JARID2: variants seen among roughly 807,000 people sequenced by gnomAD.
JARID2 encodes the protein protein Jumonji.
JARID2 carries 21 observed loss-of-function variants against 125.6 expected under a neutral mutation model. That is an observed-to-expected ratio of 0.17 (90% confidence interval 0.12 to 0.24). The LOEUF (loss-of-function observed/expected upper bound fraction) is 0.24. Among genes scored for constraint, JARID2 ranks in the 10% least tolerant of loss-of-function variants. The pLI is 1.00. For synonymous variants in JARID2, 736 were observed against 661.6 expected (o/e 1.11, Z -1.73); for missense variants, 1,303 against 1,639.6 (o/e 0.79, Z 3.55).
rs1369179322 is a variant in JARID2, at chr6:15,496,922, A to G, written c.1697A>G (p.Glu566Gly). ...EIPVLRPSAK[E>G]FHDPLIYIES... ...CCCGTCCTCAGGCCCTCCGCCAAGG[A>G]GTTCCACGATCCGCTCATCTACATC... The change falls in exon 7 of 18, where the codon GAG becomes GGG. Residue 566 changes from glutamate to glycine, a missense_variant. Glu to Gly is a moderately conservative substitution (Grantham distance 98). Transcript: ENST00000341776. The G allele has an allele frequency of 3.1e-6, 5 of 1,602,958 alleles. No homozygotes were observed. The highest frequency in any genetic ancestry group is 4.3e-6 in the Non-Finnish European group (5 of 1,172,188).
intron 1 of JARID2, among the ~76,000 whole-genome samples, chr6:15,260,751 C>T (rs753949555): frequency 8.5e-5 from 13 of 152,172 alleles, no homozygotes; most frequent in Non-Finnish European, 1.3e-4. Flanking sequence ...TCTTTTGGCC[C>T]TGGTAAGCTG....
chr6:15,431,563 C>A (rs574596348), intron 3 of JARID2, among the ~76,000 whole-genome samples: 1 of 152,314 alleles, frequency 6.6e-6, no homozygotes, highest in East Asian at 1.9e-4. Flanking sequence ...TAAACAAGCT[C>A]TTTACATATT....
At chr6:15,474,015 C>T (rs966974103) in intron 5 of JARID2, among the ~76,000 whole-genome samples, 1 of 152,222 alleles carries the variant, frequency 6.6e-6, no homozygotes, top group Non-Finnish European at 1.5e-5. Context: ...ACACTGAGCT[C>T]TCAGTAGCTG....
intron 2 of JARID2, among the ~76,000 whole-genome samples, chr6:15,379,415 A>C (rs1448552404): frequency 2.6e-5 from 4 of 152,300 alleles, no homozygotes; most frequent in African/African-American, 9.6e-5. Context: ...GACCTTGGCC[A>C]CTCTTTGAGG....
chr6:15,489,413 A>G (rs1238641378), intron 6 of JARID2, among the ~76,000 whole-genome samples: 2 of 152,204 alleles, frequency 1.3e-5, no homozygotes, highest in South Asian at 2.1e-4. Context: ...GTTCTCATGC[A>G]CGGACAGACA....
chr6:15,515,249 T>C (rs1019599705), intron 16 of JARID2, among the ~76,000 whole-genome samples: 14 of 151,942 alleles, frequency 9.2e-5, no homozygotes, highest in African/African-American at 3.1e-4. Flanking sequence ...CTGTTACCCA[T>C]AGGCTGCCTA....
chr6:15,395,255 C>T (rs535636272), intron 2 of JARID2, among the ~76,000 whole-genome samples: 5 of 152,056 alleles, frequency 3.3e-5, no homozygotes, highest in Non-Finnish European at 7.4e-5. Flanking sequence ...TGATTACTCA[C>T]TCTTCAGTTT....
chr6:15,314,058 A>G (rs1026756951), intron 1 of JARID2, among the ~76,000 whole-genome samples: 2 of 152,112 alleles, frequency 1.3e-5, no homozygotes, highest in African/African-American at 4.8e-5. Context: ...AGTCCTTCCA[A>G]TTCTGGGTAG....
chr6:15,294,921 A>G (rs1561776273), intron 1 of JARID2, among the ~76,000 whole-genome samples: 1 of 152,124 alleles, frequency 6.6e-6, no homozygotes, highest in South Asian at 2.1e-4. Flanking sequence ...AAGAGAGTGT[A>G]ATGAATTGAG....
intron 9 of JARID2, chr6:15,505,070 T>C (rs572932801): frequency 6.2e-6 from 1 of 160,824 alleles, no homozygotes; most frequent in South Asian, 1.8e-4. Flanking sequence ...GGAAAGACAG[T>C]GAGCACTTCT....
At chr6:15,357,066 C>A (rs1763627029) in intron 1 of JARID2, among the ~76,000 whole-genome samples, 1 of 152,154 alleles carries the variant, frequency 6.6e-6, no homozygotes, top group African/African-American at 2.4e-5. Flanking sequence ...AGTTACTTGG[C>A]TATGTGTTCT....
At chr6:15,462,156 T>C (rs1768483546) in intron 4 of JARID2, among the ~76,000 whole-genome samples, 1 of 151,596 alleles carries the variant, frequency 6.6e-6, no homozygotes, top group South Asian at 2.1e-4. Context: ...AGATAAATTA[T>C]TTAAGACATG....
chr6:15,498,891 GTCC>G (rs1770593194), intron 7 of JARID2, among the ~76,000 whole-genome samples: 1 of 152,330 alleles, frequency 6.6e-6, no homozygotes, highest in Non-Finnish European at 1.5e-5. Context: ...ACCGCACCAA[GTCC>G]TCCTGCCTTT....
intron 1 of JARID2, among the ~76,000 whole-genome samples, chr6:15,296,480 T>A (rs1335829498): frequency 6.6e-6 from 1 of 152,194 alleles, no homozygotes; most frequent in African/African-American, 2.4e-5. Context: ...ACAAAGATTT[T>A]CCCAAATGTT....
intron 3 of JARID2, among the ~76,000 whole-genome samples, chr6:15,421,601 G>A (rs1384005984): frequency 2.6e-5 from 4 of 152,102 alleles, no homozygotes. Context: ...ACTGACCTTA[G>A]CCTAGATAAT....
intron 1 of JARID2, among the ~76,000 whole-genome samples, chr6:15,327,429 C>T (rs1318413943): frequency 6.6e-6 from 1 of 152,108 alleles, no homozygotes; most frequent in Non-Finnish European, 1.5e-5. Flanking sequence ...ATTCAGCATA[C>T]TTGGTGAGGC....
At chr6:15,507,113 C>G in intron 9 of JARID2, 23 bp from the exon 10 acceptor site, 1 of 1,497,220 alleles carries the variant, frequency 6.7e-7, no homozygotes, top group Non-Finnish European at 9.3e-7. Flanking sequence ...GGGTGCTGAC[C>G]AGCCCTTTCC....
chr6:15,452,606 G>A (rs142211080), intron 4 of JARID2, among the ~76,000 whole-genome samples: 36 of 152,264 alleles, frequency 2.4e-4, no homozygotes, highest in African/African-American at 8.4e-4. Flanking sequence ...ATGGTGATGA[G>A]GGACTTACGG....
intron 1 of JARID2, among the ~76,000 whole-genome samples, chr6:15,369,047 G>A (rs543832027): frequency 2.0e-5 from 3 of 151,862 alleles, no homozygotes; most frequent in South Asian, 4.2e-4. Context: ...TCTCTAGCCC[G>A]GACCGTCAGC....
Sources: gnomAD v4.1 joint callset for allele counts (sites outside exome capture counted in the v4.1 genomes callset) on GRCh38, gnomAD v4.1.1 for gene constraint, MANE v1.5 for transcripts, NCBI Gene and HGNC (gene_info 2026-07-23, HGNC 2026-07-21) for gene names.